ALX1: variants seen among roughly 807,000 people sequenced by gnomAD.
The protein encoded by ALX1 is ALX homeobox protein 1.
Under a neutral mutation model 31.7 loss-of-function variants are expected in ALX1, and 19 were observed. That is an observed-to-expected ratio of 0.60 (90% CI 0.42 to 0.88). ALX1 has a LOEUF of 0.88. Among genes scored for constraint, ALX1 ranks in the 40% least tolerant of loss-of-function variants. ALX1 has a pLI of 0.00. For synonymous variants in ALX1, 153 were observed against 148.8 expected (o/e 1.03, Z -0.20); for missense variants, 415 against 407.8 (o/e 1.02, Z -0.15).
chr12:85,282,771 T>G (rs1363047440), intron 1 of ALX1, among the ~76,000 whole-genome samples: 1 of 152,144 alleles, frequency 6.6e-6, no homozygotes. Context: ...CTCTGTAATG[T>G]TTTAATAGCT....
intron 3 of ALX1, among the ~76,000 whole-genome samples, chr12:85,291,392 C>G (rs1172928449): frequency 6.6e-6 from 1 of 150,934 alleles, no homozygotes. Flanking sequence ...AACCATAAAT[C>G]TAAATAATTT....
At position 85,286,997 on chromosome 12, in the gene ALX1, C is replaced by T; in HGVS notation, c.660+16C>T. On this transcript the variant is annotated intron_variant, in intron 3 of 3. Transcript: ENST00000316824. ...CTACCCACAGGTATGCTAAACTACA[C>T]AGAATACTGATCAAGAAAAGGATAT... The T allele has an allele frequency of 1.2e-6, 2 of 1,611,118 alleles. No individual in the cohort carries two copies. Among genetic ancestry groups the T allele is most frequent in the Non-Finnish European group, 1.7e-6 (2 of 1,177,814 alleles).
chr12:85,283,511 G>A (rs1896706939), intron 1 of ALX1, 61 bp from the exon 2 acceptor site: 1 of 1,547,348 alleles, frequency 6.5e-7, no homozygotes, highest in Admixed American at 1.7e-5. Context: ...TCTACTTATT[G>A]ATTTAATTGA....
intron 3 of ALX1, among the ~76,000 whole-genome samples, chr12:85,296,585 C>T (rs1186165230): frequency 1.3e-5 from 2 of 151,404 alleles, no homozygotes; most frequent in Non-Finnish European, 3.0e-5. Flanking sequence ...GTTCCCTGGA[C>T]AGAGTTCCCT....
intron 1 of ALX1, among the ~76,000 whole-genome samples, chr12:85,282,648 G>A (rs936861262): frequency 6.6e-6 from 1 of 152,144 alleles, no homozygotes; most frequent in Non-Finnish European, 1.5e-5. Context: ...GCATTTGTGG[G>A]TGTTTGGCAT....
chr12:85,298,026 T>C (rs1204387201), intron 3 of ALX1, among the ~76,000 whole-genome samples: 1 of 151,784 alleles, frequency 6.6e-6, no homozygotes, highest in Non-Finnish European at 1.5e-5. Context: ...ACTTACCTTG[T>C]ACCACATTAG....
intron 3 of ALX1, 143 bp downstream of exon 3, chr12:85,287,124 C>A: frequency 2.1e-6 from 2 of 955,386 alleles, no homozygotes; most frequent in South Asian, 3.8e-5. Flanking sequence ...TTCATGTCTG[C>A]TAAGTTTTAA....
At position 85,286,942 on chromosome 12, in the gene ALX1, T is replaced by C. The variant is rs1279056863; in HGVS notation, c.621T>C (p.Tyr207=). ...CGAAAAGCCATTTTGCTGCCACCTATGATATATCAGTTTTGCCAAGGACTG... is the reference window on the plus strand; with the variant it reads ...CGAAAAGCCATTTTGCTGCCACCTACGATATATCAGTTTTGCCAAGGACTG... ...QQAKSHFAAT[Y]DISVLPRTDS... is the part of the protein sequence containing the mutation. The change falls in exon 3 of 4, where the codon TAT becomes TAC. Residue 207 remains tyrosine (Y), a synonymous_variant. Coordinates refer to ENST00000316824, the MANE Select transcript of ALX1 (RefSeq NM_006982.3). 1 of 1,612,154 alleles carries C rather than the reference T, an allele frequency of 6.2e-7. No homozygotes were observed. Among genetic ancestry groups the C allele is most frequent in the Non-Finnish European group, 8.5e-7 (1 of 1,178,644 alleles).
chr12:85,285,004 G>T (rs566409166), intron 2 of ALX1, among the ~76,000 whole-genome samples: 1 of 152,078 alleles, frequency 6.6e-6, no homozygotes, highest in African/African-American at 2.4e-5. Flanking sequence ...GGAAGCAAAT[G>T]GTTACTTTAT....
At chr12:85,297,010 A>G (rs1386075778) in intron 3 of ALX1, among the ~76,000 whole-genome samples, 1 of 151,752 alleles carries the variant, frequency 6.6e-6, no homozygotes, top group Non-Finnish European at 1.5e-5. Context: ...TTGACAAAAA[A>G]GTAATAGGCA....
At chr12:85,299,031 T>C (rs564253965) in intron 3 of ALX1, among the ~76,000 whole-genome samples, 1 of 151,628 alleles carries the variant, frequency 6.6e-6, no homozygotes, top group South Asian at 2.1e-4. Flanking sequence ...ATTTGGAATA[T>C]GAATGAATGA....
At chr12:85,296,089 AT>A (rs936428260) in intron 3 of ALX1, among the ~76,000 whole-genome samples, 7 of 151,558 alleles carry the variant, frequency 4.6e-5, no homozygotes, top group African/African-American at 1.7e-4. Context: ...TTTTAGAAAA[AT>A]ATATTAAAAA....
Position 85,292,230 on chromosome 12 carries a change from A to G in ALX1, c.660+5249A>G, listed in dbSNP as rs1435473314. The stretch of plus-strand genomic sequence containing the variant: ...TTACTATGTAGGGATCTAGGGAAAT[A>G]TTAATTTCAGTTAAACATACTTTCC... On this transcript the variant is annotated intron_variant, in intron 3 of 3. Transcript: ENST00000316824. 2.6e-5 allele frequency among the ~76,000 whole-genome samples: 4 copies of G among 151,144 alleles called. No homozygotes were observed. In the Admixed American group the frequency reaches 2.6e-4, roughly 10 times the overall value.
rs11116769 is a variant in ALX1, at chr12:85,288,974, G to A, written c.660+1993G>A. On this transcript the variant is annotated intron_variant, in intron 3 of 3. Transcript: ENST00000316824. ...CTACTTGACTGTGGTGACTTTAGAC[G>A]TAATAAAGTAACAAATTATGAGCTC... 7.0e-3 allele frequency among the ~76,000 whole-genome samples: 1,063 copies of A among 151,544 alleles called. 14 individuals are homozygous for A. Among genetic ancestry groups the A allele is most frequent in the African/African-American group, 0.023 (957 of 41,462 alleles).
chr12:85,292,308 T>C (rs1593051053), intron 3 of ALX1, among the ~76,000 whole-genome samples: 1 of 151,168 alleles, frequency 6.6e-6, no homozygotes, highest in South Asian at 2.1e-4. Flanking sequence ...AAGTATATAT[T>C]CAATTCACCA....
intron 3 of ALX1, among the ~76,000 whole-genome samples, chr12:85,300,749 TA>T (rs1476905938): frequency 1.3e-5 from 2 of 152,088 alleles, no homozygotes; most frequent in Non-Finnish European, 2.9e-5. Context: ...GAATTTTTTT[TA>T]AAAATGCATT....
chr12:85,301,367 T>G lies in ALX1; in HGVS notation c.873T>G (p.Asn291Lys). 6.2e-7 allele frequency: 1 copy of G among 1,614,046 alleles called. No individual in the cohort carries two copies. The highest frequency in any genetic ancestry group is 2.2e-5 in the East Asian group (1 of 44,880). The change falls in exon 4 of 4, where the codon AAT becomes AAG. Residue 291 changes from asparagine (N) to lysine (K), a missense_variant. Asn to Lys is a moderately conservative substitution (Grantham distance 94). This residue lies in a region of ALX1 where 174 missense variants were observed against 177.5 expected (regional missense o/e 0.98). Coordinates refer to ENST00000316824, the MANE Select transcript of ALX1 (RefSeq NM_006982.3). ...ACTCTCTTCTTACTGGGGCAACCAA[T>G]GGACATGCATTTGAAACAAAGCCAG... ...FTDSLLTGAT[N>K]GHAFETKPEF...
chr12:85,289,240 T>G (rs891286646), intron 3 of ALX1, among the ~76,000 whole-genome samples: 3 of 151,236 alleles, frequency 2.0e-5, no homozygotes, highest in Non-Finnish European at 4.5e-5. Flanking sequence ...GCATTCAGAA[T>G]AGTGCATATT....
intron 3 of ALX1, among the ~76,000 whole-genome samples, chr12:85,292,231 T>C (rs923546949): frequency 2.0e-5 from 3 of 151,118 alleles, no homozygotes; most frequent in Admixed American, 1.3e-4. Flanking sequence ...TAGGGAAATA[T>C]TAATTTCAGT....
Sources: gnomAD v4.1 joint callset for allele counts (sites outside exome capture counted in the v4.1 genomes callset) on GRCh38, gnomAD v4.1.1 for gene constraint, gnomAD v4.1.1 regional missense constraint, MANE v1.5 for transcripts, NCBI Gene and HGNC (gene_info 2026-07-23, HGNC 2026-07-21) for gene names.